P2RX5: variants seen among roughly 807,000 people sequenced by gnomAD.
The protein encoded by P2RX5 is purinergic receptor P2X 5, also known as P2X purinoceptor 5.
A neutral mutation model predicts 54.1 loss-of-function variants in P2RX5; 46 were observed. The observed-to-expected ratio is 0.85, with a 90% CI of 0.67 to 1.09. The LOEUF (loss-of-function observed/expected upper bound fraction) is 1.09. Ranked by LOEUF, P2RX5 falls within the 50% of genes least tolerant of loss-of-function variation. P2RX5 has a pLI of 0.00. For synonymous variants in P2RX5, 226 were observed against 226.4 expected, an observed-to-expected ratio of 1.00 and a Z score of 0.02; for missense variants, 566 against 549.8, an observed-to-expected ratio of 1.03 and a Z score of -0.29.
intron 1 of P2RX5, among the ~76,000 whole-genome samples, chr17:3,695,399 G>C (rs922793311): frequency 6.6e-6 from 1 of 152,086 alleles, no homozygotes; most frequent in Non-Finnish European, 1.5e-5. Context: ...GGAACATGCC[G>C]GGCTGATGAG....
At chr17:3,716,965 T>C in the P2RX5 span, 22 of 570,446 alleles carry the variant, frequency 3.9e-5, no homozygotes, top group South Asian at 2.7e-4. Context: ...TGCAGCATTT[T>C]AGATCATCTA....
chr17:3,693,482 TC>T (rs780139168), intron 1 of P2RX5, among the ~76,000 whole-genome samples: 1 of 152,186 alleles, frequency 6.6e-6, no homozygotes, highest in Non-Finnish European at 1.5e-5. Flanking sequence ...CCGCCTGTCA[TC>T]CCAGCACTTT....
At chr17:3,698,075 G>C (rs1177739898), upstream of P2RX5, among the ~76,000 whole-genome samples, 1 of 151,094 alleles carries the variant, frequency 6.6e-6, no homozygotes, top group Non-Finnish European at 1.5e-5. Flanking sequence ...AGGGCATTTC[G>C]ATTCCACCCT....
chr17:3,716,823 A>T, the P2RX5 span: 1 of 1,315,732 alleles, frequency 7.6e-7, no homozygotes, highest in Non-Finnish European at 1.1e-6. Context: ...GAGATCGCCC[A>T]ATAAATCAGG....
At chr17:3,713,175 A>C in the P2RX5 span, among the ~76,000 whole-genome samples, 1 of 152,000 alleles carries the variant, frequency 6.6e-6, no homozygotes, top group Admixed American at 6.6e-5. Context: ...TGGTCAACAT[A>C]GCTAGATCCC....
chr17:3,695,899 A>G lies in P2RX5; in HGVS notation c.107T>C (p.Leu36Pro), dbSNP rs2050746437. The change falls in exon 1 of 12, where the codon CTG (leucine) becomes CCG (proline). Residue 36 changes from leucine to proline, a missense_variant. Physicochemically the swap from Leu to Pro is moderately conservative, Grantham distance 98. Coordinates refer to ENST00000225328, the MANE Select transcript of P2RX5 (RefSeq NM_002561.4). ...CAGGTACGCCAGGATGGAGGCCTGC[A>G]GCAGCCGGTACAGCAGGCCCACCTT... is the stretch of plus-strand genomic sequence containing the variant. The part of the protein sequence containing the change: ...NKKVGLLYRL[L>P]QASILAYLVV... The G allele has an allele frequency of 6.2e-7, 1 of 1,612,730 alleles. No homozygotes were observed.
In P2RX5 at chr17:3,689,558, G is replaced by A. The variant is rs748402729; in HGVS notation, c.687C>T (p.Cys229=). 1.9e-6 allele frequency: 3 copies of A among 1,614,194 alleles called. No individual in the cohort carries two copies. The highest frequency in any genetic ancestry group is 3.3e-5 in the Admixed American group (2 of 60,014). ...SCHFGPKNHY[C]PIFRLGSVIR... ...TCACGGAGCCCAGTCGGAAGATGGG[G>A]CAGTAGTGGTTCTTGGGGCCAAAGT... Residue 229 remains cysteine, a synonymous_variant, in exon 7 of 12, where the codon TGC becomes TGT. Transcript: ENST00000225328.
At chr17:3,699,355 C>T (rs2050800313), upstream of P2RX5, among the ~76,000 whole-genome samples, 2 of 151,872 alleles carry the variant, frequency 1.3e-5, no homozygotes, top group Admixed American at 6.6e-5. Context: ...ATTATTGCAC[C>T]ACTGCACTCC....
chr17:3,677,469 T>G, intron 11 of P2RX5: 1 of 985,480 alleles, frequency 1.0e-6, no homozygotes, highest in Non-Finnish European at 1.2e-6. Flanking sequence ...AGTCCTTTCC[T>G]GGTTGCCTCC....
the P2RX5 span, among the ~76,000 whole-genome samples, chr17:3,702,211 G>A: frequency 6.6e-6 from 1 of 151,978 alleles, no homozygotes; most frequent in Non-Finnish European, 1.5e-5. Context: ...TCAGCACTGT[G>A]TAAAAATGCA....
intron 11 of P2RX5, chr17:3,678,038 A>C (rs1266136192): frequency 7.1e-6 from 7 of 985,246 alleles, no homozygotes; most frequent in Middle Eastern, 5.2e-4. Flanking sequence ...TCTGGCCCCA[A>C]AGTTTTCAGC....
chr17:3,676,318 G>T, intron 11 of P2RX5: 1 of 985,432 alleles, frequency 1.0e-6, no homozygotes, highest in Non-Finnish European at 1.2e-6. Context: ...GTCAGGAGAA[G>T]TTCATTACCT....
At chr17:3,678,977 C>A (rs775064207) in intron 11 of P2RX5, among the ~76,000 whole-genome samples, 1 of 152,174 alleles carries the variant, frequency 6.6e-6, no homozygotes, top group Non-Finnish European at 1.5e-5. Context: ...CCAGGAATCG[C>A]GGCCCAAGGA....
At chr17:3,676,441 C>T (rs2050106592) in intron 11 of P2RX5, 6 of 945,902 alleles carry the variant, frequency 6.3e-6, no homozygotes, top group Non-Finnish European at 7.3e-6. Context: ...TTTTCACTGA[C>T]TATCCTTTGC....
At chr17:3,707,248 G>GTA in the P2RX5 span, among the ~76,000 whole-genome samples, 4 of 152,272 alleles carry the variant, frequency 2.6e-5, no homozygotes, top group African/African-American at 9.6e-5. Context: ...CGACTTTTCT[G>GTA]TATGTGTGAA....
chr17:3,685,712 T>TCCCCCGCC (rs1192393398), intron 9 of P2RX5: 1 of 21,064 alleles, frequency 4.7e-5, no homozygotes, highest in African/African-American at 7.4e-5. Context: ...CCTCCCAACG[T>TCCCCCGCC]CCCCCTCCCA....
At chr17:3,704,585 C>T in the P2RX5 span, among the ~76,000 whole-genome samples, 1 of 152,234 alleles carries the variant, frequency 6.6e-6, no homozygotes, top group Non-Finnish European at 1.5e-5. Context: ...CCTTGTGTGA[C>T]CCACCGTAAT....
At chr17:3,723,478 G>C in the P2RX5 span, 2 of 1,060,634 alleles carry the variant, frequency 1.9e-6, no homozygotes, top group South Asian at 1.3e-5. Context: ...TAAGGTCCCA[G>C]AATAGAGGGT....
chr17:3,720,685 C>T, the P2RX5 span: 6 of 241,076 alleles, frequency 2.5e-5, no homozygotes, highest in Admixed American at 2.3e-4. Flanking sequence ...CAGGTTCAAG[C>T]GATTCTCCTG....
Sources: gnomAD v4.1 joint callset for allele counts (sites outside exome capture counted in the v4.1 genomes callset) on GRCh38, gnomAD v4.1.1 for gene constraint, MANE v1.5 for transcripts, NCBI Gene and HGNC (gene_info 2026-07-23, HGNC 2026-07-21) for gene names.